Variants in TFRC observed in about 807,000 individuals in gnomAD.
TFRC encodes transferrin receptor, also known as transferrin receptor protein 1.
In TFRC, 35 loss-of-function variants were observed where a neutral mutation model predicts 85.8. That is an observed-to-expected ratio of 0.41 (90% CI 0.31 to 0.54). The LOEUF is 0.54. Among genes scored for constraint, TFRC ranks in the 20% least tolerant of loss-of-function variants. The pLI is 0.31. For missense variants in TFRC, 828 were observed against 921.5 expected, an observed-to-expected ratio of 0.90 and a Z score of 1.31; for synonymous variants, 362 against 328.6, an observed-to-expected ratio of 1.10 and a Z score of -1.10.
chr3:196,079,703 CATT>C (rs541665091), intron 1 of TFRC, among the ~76,000 whole-genome samples: 85 of 152,324 alleles, frequency 5.6e-4, no homozygotes, highest in Non-Finnish European at 9.6e-4. Flanking sequence ...CAATTTCTCA[CATT>C]AATAATGAAG....
At chr3:196,065,262 CAAAA>C (rs55922619) in intron 10 of TFRC, among the ~76,000 whole-genome samples, 177 bp downstream of exon 10, 1 of 136,272 alleles carries the variant, frequency 7.3e-6, no homozygotes, top group Non-Finnish European at 1.5e-5. Flanking sequence ...AACTCTTTCT[CAAAA>C]AAAAAAAAAA....
intron 13 of TFRC, among the ~76,000 whole-genome samples, chr3:196,061,885 C>T (rs890876220): frequency 2.0e-5 from 3 of 152,198 alleles, no homozygotes; most frequent in African/African-American, 7.2e-5. Context: ...TAATGCTACT[C>T]ATCTGGGGGC....
chr3:196,072,801 T>G (rs193151049), intron 4 of TFRC: 1 of 152,130 alleles, frequency 6.6e-6, no homozygotes, highest in African/African-American at 2.4e-5. Flanking sequence ...TGTGCAAAGA[T>G]AGTAAAACTC....
chr3:196,058,711 T>G (rs1022922772), intron 14 of TFRC, 79 bp from the exon 15 acceptor site: 1 of 903,762 alleles, frequency 1.1e-6, no homozygotes, highest in Non-Finnish European at 1.7e-6. Context: ...TGTTACTCTA[T>G]AACAATTTTT....
At chr3:196,068,927 C>CAAAAAAA (rs55642820) in intron 7 of TFRC, among the ~76,000 whole-genome samples, 1 of 85,266 alleles carries the variant, frequency 1.2e-5, no homozygotes, top group African/African-American at 4.9e-5. Context: ...GACTCCGTCT[C>CAAAAAAA]AAAAAAAAAA....
In TFRC at chr3:196,072,163, A is replaced by T. The variant is rs751120881; in HGVS notation, c.435-11T>A. On this transcript the variant is annotated splice_polypyrimidine_tract_variant and intron_variant, in intron 4 of 18. Coordinates refer to ENST00000360110, the MANE Select transcript of TFRC (RefSeq NM_001128148.3). The stretch of plus-strand genomic sequence containing the variant: ...TTTTCATTCAGCAGCCTGGAGGAGA[A>T]AATGCCTTTTAAATGAACTTAAGTT... 13 of 1,610,308 alleles carry T rather than the reference A, an allele frequency of 8.1e-6. No individual in the cohort carries two copies. The East Asian group carries it at 2.9e-4, about 36-fold the overall frequency.
rs1716210349 is a variant in TFRC at position 196,050,344 on chromosome 3, T to C, written c.*1598A>G. 1 of 217,196 alleles carries C rather than the reference T, an allele frequency of 4.6e-6. No individual in the cohort carries two copies. The highest frequency in any genetic ancestry group is 1.9e-4 in the South Asian group (1 of 5,382). 13.5% of individuals were successfully genotyped at this position (217,196 alleles called of 1,614,324 possible). On this transcript the variant is annotated 3_prime_UTR_variant, in exon 19 of 19. Transcript: ENST00000360110. ...ACAGTGGTTGAATTTACCCACCCAA[T>C]GCTTAATGACCACAAAATGTTTCTG...
At position 196,071,489 on chromosome 3, in the gene TFRC, G is replaced by C; in HGVS notation, c.594C>G (p.Asn198Lys). 6.2e-7 allele frequency: 1 copy of C among 1,614,026 alleles called. No homozygotes were observed. The highest frequency in any genetic ancestry group is 8.5e-7 in the Non-Finnish European group (1 of 1,179,932). The change falls in exon 6 of 19, where the codon AAC (asparagine) becomes AAG (lysine). Residue 198 changes from asparagine (N) to lysine (K), a missense_variant. Transcript: ENST00000360110. ...VKIQVKDSAQNSVIIVDKNGR... is the reference protein window; with the variant it reads ...VKIQVKDSAQKSVIIVDKNGR... ...CGTTCTTATCAACTATGATCACCGA[G>C]TTTTGAGCGCTGTTAAAAAGATTAA... is the stretch of plus-strand genomic sequence containing the variant.
intron 7 of TFRC, among the ~76,000 whole-genome samples, chr3:196,068,517 A>G (rs1717916764): frequency 6.8e-6 from 1 of 147,680 alleles, no homozygotes; most frequent in Non-Finnish European, 1.5e-5. Flanking sequence ...AAGCTGAGGC[A>G]GGAGAATCGC....
At chr3:196,080,196 C>A (rs1365818677) in intron 1 of TFRC, among the ~76,000 whole-genome samples, 1 of 152,190 alleles carries the variant, frequency 6.6e-6, no homozygotes, top group African/African-American at 2.4e-5. Context: ...CTCTGCCTCC[C>A]AGGTTAAAGC....
At chr3:196,058,176 T>C in intron 16 of TFRC, 108 bp downstream of exon 16, 2 of 837,352 alleles carry the variant, frequency 2.4e-6, no homozygotes, top group Non-Finnish European at 3.9e-6. Context: ...AATATGTACA[T>C]AGTTGACTAT....
chr3:196,076,284 T>A (rs1718686696), intron 2 of TFRC, among the ~76,000 whole-genome samples: 1 of 152,062 alleles, frequency 6.6e-6, no homozygotes, highest in African/African-American at 2.4e-5. Context: ...CTTTCACTCA[T>A]ACTGTCTACT....
intron 5 of TFRC, 51 bp from the exon 6 acceptor site, chr3:196,071,549 C>T (rs1560085275): frequency 6.6e-7 from 1 of 1,522,654 alleles, no homozygotes; most frequent in African/African-American, 1.4e-5. Context: ...TTCCAAAAAA[C>T]ACAATAGCTT....
intron 13 of TFRC, chr3:196,062,330 G>A (rs764000565): frequency 5.0e-5 from 21 of 419,902 alleles, no homozygotes; most frequent in Non-Finnish European, 6.8e-5. Context: ...TCAGGAGTTC[G>A]AGACCATCCT....
intron 6 of TFRC, 117 bp from the exon 7 acceptor site, chr3:196,069,685 A>C: frequency 3.5e-6 from 2 of 577,454 alleles, no homozygotes; most frequent in Non-Finnish European, 6.0e-6. Flanking sequence ...AAGAGATAAA[A>C]GGAGGCCAAG....
At chr3:196,067,190 T>G (rs564799718) in intron 9 of TFRC, among the ~76,000 whole-genome samples, 2 of 152,342 alleles carry the variant, frequency 1.3e-5, no homozygotes, top group African/African-American at 4.8e-5. Flanking sequence ...TCTAACAGAT[T>G]CTCTCTACTA....
intron 2 of TFRC, among the ~76,000 whole-genome samples, chr3:196,075,882 C>G (rs1034161161): frequency 9.2e-6 from 1 of 109,052 alleles, no homozygotes; most frequent in African/African-American, 2.7e-5. Flanking sequence ...TCCCAGCACT[C>G]TGGGGGGGGC....
rs1418888062 is a variant in TFRC, at chr3:196,050,576, A to G, written c.*1366T>C. 2 of 203,366 alleles carry G rather than the reference A, an allele frequency of 9.8e-6. No homozygotes were observed. The highest frequency in any genetic ancestry group is 4.6e-5 in the African/African-American group (2 of 43,720). The allele number at this position is 203,366 out of a possible 1,614,324, so 12.6% of individuals were successfully genotyped here. A position where few individuals can be genotyped will look rare whatever the true frequency, so the allele number is the denominator to read the frequency against. ...GTAAAAACTACCTTGTTCTTTATAC[A>G]TTATGGAAGACACTGCTCCCGATAA... On this transcript the variant is annotated 3_prime_UTR_variant, in exon 19 of 19. Transcript: ENST00000360110.
At chr3:196,061,777 C>G (rs35010724) in intron 13 of TFRC, among the ~76,000 whole-genome samples, 1 of 152,208 alleles carries the variant, frequency 6.6e-6, no homozygotes, top group Non-Finnish European at 1.5e-5. Context: ...GCGTGCACCA[C>G]TGCGCCCAGC....
Sources: allele counts gnomAD v4.1 joint callset (sites outside exome capture counted in the v4.1 genomes callset), GRCh38; gene constraint gnomAD v4.1.1; transcripts MANE v1.5; gene names NCBI Gene and HGNC (gene_info 2026-07-23, HGNC 2026-07-21).